Variants in CDH13 observed in about 807,000 individuals in gnomAD.
CDH13 encodes the protein cadherin-13.
CDH13 carries 24 observed loss-of-function variants against 63.8 expected under a neutral mutation model. That is an observed-to-expected ratio of 0.38 (90% CI 0.27 to 0.53). The LOEUF (loss-of-function observed/expected upper bound fraction) is 0.53, where lower values mean the gene tolerates loss of function less well. CDH13 is among the 20% of genes least tolerant of loss of function. The probability of loss-of-function intolerance (pLI) is 0.85; values close to 1 mark genes in which losing one functional copy is unlikely to be tolerated. For missense variants in CDH13, 1,049 were observed against 903.1 expected (o/e 1.16, Z -2.07); for synonymous variants, 503 against 355.3 (o/e 1.42, Z -4.67).
At chr16:83,266,398 G>C (rs1419898812) in intron 5 of CDH13, among the ~76,000 whole-genome samples, 1 of 152,128 alleles carries the variant, frequency 6.6e-6, no homozygotes, top group African/African-American at 2.4e-5. Flanking sequence ...CTAAGAAGGG[G>C]GAAATGTTAA....
chr16:83,694,883 T>G (rs1445757532), intron 10 of CDH13, among the ~76,000 whole-genome samples: 1 of 152,132 alleles, frequency 6.6e-6, no homozygotes, highest in Non-Finnish European at 1.5e-5. Flanking sequence ...CAGATAGATG[T>G]TTTAATGCAG....
chr16:82,904,678 T>C (rs2041585644), intron 2 of CDH13, among the ~76,000 whole-genome samples: 1 of 152,002 alleles, frequency 6.6e-6, no homozygotes, highest in Non-Finnish European at 1.5e-5. Flanking sequence ...TCCCCTGGAG[T>C]TCTATGTCAT....
At chr16:83,492,809 C>G (rs1172781853) in intron 7 of CDH13, among the ~76,000 whole-genome samples, 1 of 152,128 alleles carries the variant, frequency 6.6e-6, no homozygotes, top group East Asian at 1.9e-4. Context: ...TGCTCCTCCA[C>G]TCTGGATAAA....
intron 7 of CDH13, among the ~76,000 whole-genome samples, chr16:83,544,544 T>C (rs1289992852): frequency 1.3e-5 from 2 of 152,164 alleles, no homozygotes; most frequent in African/African-American, 2.4e-5. Context: ...TGTTTAACAC[T>C]TCGTTATAAA....
In CDH13 at chr16:83,678,264, A is replaced by C; in HGVS notation, c.1341A>C (p.Glu447Asp). 1 of 1,613,950 alleles carries C rather than the reference A, an allele frequency of 6.2e-7. No individual in the cohort carries two copies. Among genetic ancestry groups the C allele is most frequent in the Admixed American group, 1.7e-5 (1 of 60,022 alleles). The change falls in exon 10 of 14, where the codon GAA becomes GAC. Residue 447 changes from glutamate (E) to aspartate (D), a missense_variant. Coordinates refer to ENST00000567109, the MANE Select transcript of CDH13 (RefSeq NM_001257.5). ...CCCTGCTGATCAAAGTGGAAAATGA[A>C]GACCCACTCGTACCCGACGTCTCCT... ...FHTLLIKVEN[E>D]DPLVPDVSYG...
chr16:83,269,348 A>T (rs1440850712), intron 5 of CDH13, among the ~76,000 whole-genome samples: 2 of 152,212 alleles, frequency 1.3e-5, no homozygotes, highest in East Asian at 3.9e-4. Flanking sequence ...TATATTATGC[A>T]ATGCATTACT....
intron 2 of CDH13, among the ~76,000 whole-genome samples, chr16:83,010,135 C>CAAAAA (rs67985333): frequency 2.2e-4 from 11 of 50,104 alleles, no homozygotes; most frequent in Non-Finnish European, 2.0e-4. Flanking sequence ...AACTCTGTCT[C>CAAAAA]AAAAAAAAAA....
intron 1 of CDH13, among the ~76,000 whole-genome samples, chr16:82,773,658 G>A (rs1404200222): frequency 6.6e-6 from 1 of 152,182 alleles, no homozygotes; most frequent in East Asian, 1.9e-4. Flanking sequence ...TTGTATGTAT[G>A]TGTGTTCAGT....
intron 7 of CDH13, among the ~76,000 whole-genome samples, chr16:83,535,122 G>A (rs1351504697): frequency 6.6e-6 from 1 of 152,220 alleles, no homozygotes; most frequent in Non-Finnish European, 1.5e-5. Flanking sequence ...ACTGTGGCCT[G>A]AAGGTTCATT....
At chr16:82,936,065 C>A (rs1238772032) in intron 2 of CDH13, among the ~76,000 whole-genome samples, 2 of 152,010 alleles carry the variant, frequency 1.3e-5, no homozygotes, top group South Asian at 2.1e-4. Flanking sequence ...TGCAAATGGG[C>A]TTTCCAGTTG....
chr16:82,886,011 A>G (rs964756134), intron 2 of CDH13, among the ~76,000 whole-genome samples: 2 of 152,212 alleles, frequency 1.3e-5, no homozygotes, highest in Non-Finnish European at 2.9e-5. Flanking sequence ...TAAAAGATAC[A>G]TAATATAATG....
rs199949727 is a variant in CDH13, at chr16:83,138,936, G to A, written c.483+13435G>A. Among the ~76,000 whole-genome samples the A allele has an allele frequency of 3.3e-5, 5 of 152,140 alleles. No individual in the cohort carries two copies. In the East Asian group the frequency reaches 7.7e-4, roughly 23 times the overall value. ...GCAAGTGGACAGTGATGAGTGAGGAGGTAGAGGAAGGTCCCCTCTTAGCTG... is the reference window on the plus strand; with the variant it reads ...GCAAGTGGACAGTGATGAGTGAGGAAGTAGAGGAAGGTCCCCTCTTAGCTG... On this transcript the variant is annotated intron_variant, in intron 4 of 13. Transcript: ENST00000567109.
At chr16:83,516,463 C>G (rs59872241) in intron 7 of CDH13, among the ~76,000 whole-genome samples, 3,155 of 152,256 alleles carry the variant, frequency 0.021, 104 homozygotes, top group African/African-American at 0.072. Context: ...GATTTTATTT[C>G]AGAGTTCTGA....
At chr16:83,015,907 G>T (rs562486358) in intron 2 of CDH13, among the ~76,000 whole-genome samples, 1 of 151,646 alleles carries the variant, frequency 6.6e-6, no homozygotes, top group Non-Finnish European at 1.5e-5. Flanking sequence ...CATTTGGCTT[G>T]TGCACTTCCC....
intron 1 of CDH13, among the ~76,000 whole-genome samples, chr16:82,704,310 A>G (rs2031299451): frequency 6.6e-6 from 1 of 152,176 alleles, no homozygotes; most frequent in Non-Finnish European, 1.5e-5. Context: ...TACAGAATGA[A>G]TCATTAAGGC....
intron 6 of CDH13, among the ~76,000 whole-genome samples, chr16:83,445,711 A>G (rs1326842965): frequency 6.6e-6 from 1 of 152,168 alleles, no homozygotes; most frequent in African/African-American, 2.4e-5. Flanking sequence ...GCTAAGTAAA[A>G]CTGGAATAGC....
intron 1 of CDH13, among the ~76,000 whole-genome samples, chr16:82,817,822 A>G (rs2037797982): frequency 1.3e-5 from 2 of 152,028 alleles, no homozygotes; most frequent in African/African-American, 2.4e-5. Flanking sequence ...CAAATGAAAA[A>G]CCACATATAG....
chr16:83,771,297 C>G (rs1474874139), intron 11 of CDH13, among the ~76,000 whole-genome samples: 1 of 152,186 alleles, frequency 6.6e-6, no homozygotes. Flanking sequence ...CCAGGCAGGC[C>G]AGGTGGCCAA....
intron 7 of CDH13, among the ~76,000 whole-genome samples, chr16:83,563,608 C>T (rs989629776): frequency 7.9e-5 from 12 of 152,120 alleles, no homozygotes; most frequent in South Asian, 4.1e-4. Flanking sequence ...TATAGCCTTA[C>T]GAATCCTTTT....
Sources: allele counts gnomAD v4.1 joint callset (sites outside exome capture counted in the v4.1 genomes callset), GRCh38; gene constraint gnomAD v4.1.1; transcripts MANE v1.5; gene names NCBI Gene and HGNC (gene_info 2026-07-23, HGNC 2026-07-21).